The following LINGO2 variants were observed in gnomAD, a reference collection of about 807,000 sequenced individuals.
LINGO2 encodes the protein leucine rich repeat and Ig domain containing 2.
A neutral mutation model predicts 30.6 loss-of-function variants in LINGO2; 14 were observed. The ratio of observed to expected loss-of-function variants is 0.46; its 90% CI spans 0.30 to 0.72. LINGO2 has a LOEUF of 0.72. Among genes scored for constraint, LINGO2 ranks in the 30% least tolerant of loss-of-function variants. The pLI is 0.07. For synonymous variants in LINGO2, 317 were observed against 288.5 expected, an observed-to-expected ratio of 1.10 and a Z score of -1.00; for missense variants, 729 against 751.7, an observed-to-expected ratio of 0.97 and a Z score of 0.35.
chr9:27,948,285 GTAAC>G (rs1180140206), exon 6 of LINGO2: 2 of 152,412 alleles, frequency 1.3e-5, no homozygotes, highest in African/African-American at 4.8e-5. Flanking sequence ...ATAGTGGTGA[GTAAC>G]TAAAAGCACA....
chr9:27,940,629 C>T, the LINGO2 span: 9 of 152,094 alleles, frequency 5.9e-5, no homozygotes, highest in African/African-American at 1.9e-4. Flanking sequence ...ATTTTTATTT[C>T]GACTGTATCA....
chr9:28,202,327 T>C (rs1296774777), intron 4 of LINGO2, among the ~76,000 whole-genome samples: 6 of 152,222 alleles, frequency 3.9e-5, no homozygotes, highest in Non-Finnish European at 5.9e-5. Flanking sequence ...AGGTCTGATA[T>C]GGCATCTAAC....
intron 4 of LINGO2, among the ~76,000 whole-genome samples, chr9:28,178,978 G>C (rs892715037): frequency 1.3e-5 from 2 of 152,056 alleles, no homozygotes; most frequent in African/African-American, 4.8e-5. Flanking sequence ...CAGCCAAATA[G>C]ACTTGAAGAG....
chr9:28,630,027 G>GT (rs200580050), intron 1 of LINGO2, among the ~76,000 whole-genome samples: 14,419 of 150,768 alleles, frequency 0.096, 969 homozygotes, highest in Admixed American at 0.23. Flanking sequence ...GCGGTGTTTG[G>GT]TTTTTGTTCT....
chr9:28,380,673 G>A (rs181766851), intron 2 of LINGO2, among the ~76,000 whole-genome samples: 2 of 152,124 alleles, frequency 1.3e-5, no homozygotes, highest in East Asian at 3.9e-4. Flanking sequence ...TTATTTGGTA[G>A]CTAATAGGAA....
the LINGO2 span, among the ~76,000 whole-genome samples, chr9:28,762,735 T>G: frequency 1.3e-5 from 2 of 151,998 alleles, no homozygotes; most frequent in East Asian, 3.9e-4. Flanking sequence ...AGATGGTTCT[T>G]TAGGACATTA....
chr9:28,527,864 G>A (rs903349012), intron 1 of LINGO2, among the ~76,000 whole-genome samples: 33 of 152,258 alleles, frequency 2.2e-4, no homozygotes, highest in African/African-American at 7.0e-4. Flanking sequence ...ATCTGTTGTC[G>A]ATTAAATTGA....
chr9:29,059,414 A>T, the LINGO2 span, among the ~76,000 whole-genome samples: 6 of 83,818 alleles, frequency 7.2e-5, no homozygotes, highest in South Asian at 1.3e-3. Flanking sequence ...GATTAAAATT[A>T]AAAAATAAAT....
the LINGO2 span, among the ~76,000 whole-genome samples, chr9:29,167,642 A>C: frequency 6.6e-6 from 1 of 152,272 alleles, no homozygotes; most frequent in East Asian, 1.9e-4. Context: ...AAACCTGTCA[A>C]TATCTTAAAG....
chr9:29,189,884 C>A, the LINGO2 span, among the ~76,000 whole-genome samples: 1 of 151,408 alleles, frequency 6.6e-6, no homozygotes, highest in Non-Finnish European at 1.5e-5. Flanking sequence ...TGGCAGCGCG[C>A]GCCTGCAATC....
intron 5 of LINGO2, among the ~76,000 whole-genome samples, chr9:27,955,935 C>CTTTTTTTTTTTTTTT (rs532878364): frequency 9.4e-6 from 1 of 106,772 alleles, no homozygotes; most frequent in African/African-American, 3.3e-5. Context: ...TGGATACTGA[C>CTTTTTTTTTTTTTTT]TTTTTTTTTT....
intron 2 of LINGO2, among the ~76,000 whole-genome samples, chr9:28,446,263 C>G (rs572849400): frequency 2.8e-4 from 43 of 152,254 alleles, no homozygotes; most frequent in Non-Finnish European, 5.3e-4. Context: ...GATCCTGGAT[C>G]TGCTCCATTA....
chr9:28,981,470 A>C, the LINGO2 span, among the ~76,000 whole-genome samples: 2 of 152,160 alleles, frequency 1.3e-5, no homozygotes, highest in African/African-American at 4.8e-5. Context: ...AAGCCATATC[A>C]TTCTGACTCT....
chr9:28,199,209 C>G (rs545097923), intron 4 of LINGO2, among the ~76,000 whole-genome samples: 6 of 152,066 alleles, frequency 3.9e-5, no homozygotes, highest in Non-Finnish European at 8.8e-5. Context: ...TAGCACATTG[C>G]CTGGTGCATA....
chr9:28,232,875 T>C (rs1349154762), intron 4 of LINGO2, among the ~76,000 whole-genome samples: 2 of 151,438 alleles, frequency 1.3e-5, no homozygotes, highest in African/African-American at 2.4e-5. Flanking sequence ...AAAAAAGGCA[T>C]GTCAACTCCA....
At chr9:27,988,769 C>A in intron 5 of LINGO2, among the ~76,000 whole-genome samples, 1 of 151,890 alleles carries the variant, frequency 6.6e-6, no homozygotes, top group East Asian at 1.9e-4. Flanking sequence ...TCTTTCTCTA[C>A]TCTTCCTATC....
intron 4 of LINGO2, among the ~76,000 whole-genome samples, chr9:28,249,101 G>A (rs1202307582): frequency 1.3e-5 from 2 of 151,716 alleles, no homozygotes; most frequent in African/African-American, 4.9e-5. Flanking sequence ...GGGAAATGTG[G>A]TTTCTTTTTT....
intron 1 of LINGO2, among the ~76,000 whole-genome samples, chr9:28,608,158 A>AG (rs1825770632): frequency 6.6e-6 from 1 of 151,840 alleles, no homozygotes; most frequent in African/African-American, 2.4e-5. Flanking sequence ...AGATAAAAAA[A>AG]AAAAAACTTA....
At chr9:28,006,140 G>A (rs536036735) in intron 5 of LINGO2, among the ~76,000 whole-genome samples, 7 of 151,822 alleles carry the variant, frequency 4.6e-5, no homozygotes, top group Admixed American at 6.6e-5. Flanking sequence ...AGCTCCTTCC[G>A]GAAGAAAAAA....
Sources: allele counts gnomAD v4.1 joint callset (sites outside exome capture counted in the v4.1 genomes callset), GRCh38; gene constraint gnomAD v4.1.1; transcripts MANE v1.5; gene names NCBI Gene and HGNC (gene_info 2026-07-23, HGNC 2026-07-21).